The following WNT7B variants were observed in gnomAD, a reference collection of about 807,000 sequenced individuals.
WNT7B encodes protein Wnt-7b.
WNT7B carries 19 observed loss-of-function variants against 38.2 expected under a neutral mutation model. The ratio of observed to expected loss-of-function variants is 0.50; its 90% CI spans 0.35 to 0.73. The LOEUF (loss-of-function observed/expected upper bound fraction) is 0.73. Ranked by LOEUF, WNT7B falls within the 30% of genes least tolerant of loss-of-function variation. The pLI is 0.01. For synonymous variants in WNT7B, 243 were observed against 209.3 expected (o/e 1.16, Z -1.39); for missense variants, 423 against 507.9 (o/e 0.83, Z 1.61).
At chr22:45,925,209 C>T (rs28576542) in intron 3 of WNT7B, 34 of 951,784 alleles carry the variant, frequency 3.6e-5, no homozygotes, top group East Asian at 2.7e-4. Flanking sequence ...AGGTGGGTGC[C>T]GGGTGGGCGC....
At chr22:45,931,465 G>T (rs1931357140) in intron 2 of WNT7B, 96 bp from the exon 3 acceptor site, 4 of 1,392,328 alleles carry the variant, frequency 2.9e-6, no homozygotes, top group South Asian at 2.9e-5. Flanking sequence ...CCTGCTGTTG[G>T]CTGGTTGTGT....
chr22:45,946,003 G>T (rs566636313), intron 2 of WNT7B, among the ~76,000 whole-genome samples: 3 of 152,356 alleles, frequency 2.0e-5, no homozygotes, highest in East Asian at 3.9e-4. Context: ...GGGCTAGGGG[G>T]CCCAAGAGCA....
chr22:45,942,946 A>G (rs371818958), intron 2 of WNT7B, among the ~76,000 whole-genome samples: 9 of 143,834 alleles, frequency 6.3e-5, no homozygotes, highest in Non-Finnish European at 1.3e-4. Context: ...GTAGGCGTGT[A>G]TGTGTGCAGT....
At chr22:45,954,489 C>A (rs1038272982) in intron 1 of WNT7B, among the ~76,000 whole-genome samples, 1 of 152,154 alleles carries the variant, frequency 6.6e-6, no homozygotes, top group Non-Finnish European at 1.5e-5. Context: ...AGATTAGGAC[C>A]CAATTGAAGG....
At chr22:45,948,460 G>T (rs74912617) in intron 2 of WNT7B, among the ~76,000 whole-genome samples, 4,112 of 152,316 alleles carry the variant, frequency 0.027, 168 homozygotes, top group African/African-American at 0.093. Flanking sequence ...CCACACCAGC[G>T]TTCCAAGCCC....
chr22:45,965,777 G>A lies in WNT7B; in HGVS notation c.71+10907C>T, dbSNP rs753704425. 6.6e-6 allele frequency among the ~76,000 whole-genome samples: 1 copy of A among 152,198 alleles called. No homozygotes were observed. The highest frequency in any genetic ancestry group is 2.1e-4 in the South Asian group (1 of 4,834). The stretch of plus-strand genomic sequence containing the variant: ...AAAGCTAAACTTGGAGGCAGCCCCT[G>A]CAACCTTGAGACCCTCGCTCAGGGC... On this transcript the variant is annotated intron_variant, in intron 1 of 3. Coordinates refer to ENST00000339464, the MANE Select transcript of WNT7B (RefSeq NM_058238.3). The surrounding 1 kb of genome is among the most constrained non-coding windows in gnomAD (Gnocchi z 6.5).
Position 45,922,446 on chromosome 22 carries a change from C to T in WNT7B, c.*410G>A, listed in dbSNP as rs558926211. 9.3e-5 allele frequency: 18 copies of T among 193,722 alleles called. No homozygotes were observed. The highest frequency in any genetic ancestry group is 7.0e-5 in the African/African-American group (3 of 43,042). The allele number at this position is 193,722 out of a possible 1,614,324, so 12.0% of individuals were successfully genotyped here. On this transcript the variant is annotated 3_prime_UTR_variant, in exon 4 of 4. Transcript: ENST00000339464. The stretch of plus-strand genomic sequence containing the variant: ...TGGGAACTGGTCTGGAGAGGCCAGC[C>T]GGCGTAGCTTTTCTGTGTCCATGCC...
chr22:45,940,802 T>C (rs1931626796), intron 2 of WNT7B, among the ~76,000 whole-genome samples: 1 of 151,734 alleles, frequency 6.6e-6, no homozygotes, highest in Non-Finnish European at 1.5e-5. Flanking sequence ...ATGCTGAAGG[T>C]GGGTCCCAAA....
At chr22:45,934,197 G>A (rs1931453396) in intron 2 of WNT7B, among the ~76,000 whole-genome samples, 1 of 152,228 alleles carries the variant, frequency 6.6e-6, no homozygotes, top group African/African-American at 2.4e-5. Context: ...CAAAGACCAG[G>A]AAGGCTGACG....
intron 2 of WNT7B, among the ~76,000 whole-genome samples, chr22:45,937,020 C>T (rs1199836166): frequency 6.6e-6 from 1 of 152,164 alleles, no homozygotes; most frequent in Non-Finnish European, 1.5e-5. Flanking sequence ...CTCCTAATGA[C>T]CTGATTAACT....
Position 45,966,968 on chromosome 22 carries a change from C to G in WNT7B, c.71+9716G>C, listed in dbSNP as rs1395216683. ...TCCGGGGCTGGAGAACTCACTGCCT[C>G]TCTGCCAACAGTGGAGCTGACCCAA... On this transcript the variant is annotated intron_variant, in intron 1 of 3. Transcript: ENST00000339464. The surrounding 1 kb of genome is among the most constrained non-coding windows in gnomAD (Gnocchi z 4.2). 6.6e-6 allele frequency among the ~76,000 whole-genome samples: 1 copy of G among 152,214 alleles called. No individual in the cohort carries two copies. The highest frequency in any genetic ancestry group is 1.5e-5 in the Non-Finnish European group (1 of 68,038).
At chr22:45,959,744 C>T (rs1306115885) in intron 1 of WNT7B, among the ~76,000 whole-genome samples, 1 of 152,186 alleles carries the variant, frequency 6.6e-6, no homozygotes, top group African/African-American at 2.4e-5. Context: ...CCCAACCTGG[C>T]ACCCAAGCAG....
chr22:45,939,437 G>T (rs778453447), intron 2 of WNT7B, among the ~76,000 whole-genome samples: 9 of 152,158 alleles, frequency 5.9e-5, no homozygotes, highest in Non-Finnish European at 1.3e-4. Flanking sequence ...TATCCATACG[G>T]CAGAATATTA....
chr22:45,929,702 T>A (rs1931250022), intron 3 of WNT7B, among the ~76,000 whole-genome samples: 1 of 92,308 alleles, frequency 1.1e-5, no homozygotes, highest in Non-Finnish European at 2.2e-5. Context: ...CCACCCATCT[T>A]TCCATCCACC....
At position 45,951,185 on chromosome 22, in the gene WNT7B, C is replaced by CT. The variant is rs1931924803; in HGVS notation, c.72-1040dup. Among the ~76,000 whole-genome samples the CT allele has an allele frequency of 6.6e-6, 1 of 152,174 alleles. No individual in the cohort carries two copies. The highest frequency in any genetic ancestry group is 6.5e-5 in the Admixed American group (1 of 15,280). On this transcript the variant is annotated intron_variant, in intron 1 of 3. Transcript: ENST00000339464. This position sits in a 1 kb window ranked among gnomAD's most constrained non-coding sequence, Gnocchi z 4.8. ...CTCCACATTCCGGGTTCAAGCCATC[C>CT]TTTTGCCTTAGCCTCCCGAGTAGCT...
intron 2 of WNT7B, chr22:45,936,127 T>G (rs567667709): frequency 2.0e-6 from 2 of 985,292 alleles, no homozygotes; most frequent in Non-Finnish European, 2.4e-6. Flanking sequence ...TGAGTAATGG[T>G]CCTGAAGGTT....
rs1230911873 is a variant in WNT7B at position 45,951,847 on chromosome 22, G to T, written c.72-1701C>A. Among the ~76,000 whole-genome samples, 1 of 152,174 alleles carries T rather than the reference G, an allele frequency of 6.6e-6. No individual in the cohort carries two copies. The highest frequency in any genetic ancestry group is 6.5e-5 in the Admixed American group (1 of 15,280). On this transcript the variant is annotated intron_variant, in intron 1 of 3. Coordinates refer to ENST00000339464, the MANE Select transcript of WNT7B (RefSeq NM_058238.3). This position sits in a 1 kb window ranked among gnomAD's most constrained non-coding sequence, Gnocchi z 4.8. ...GTGAGTGATGCCGCCATGAACGTGC[G>T]GGTAAGGTTTCTGTTTGAGCCTGTT...
intron 1 of WNT7B, among the ~76,000 whole-genome samples, chr22:45,963,647 C>T (rs1398119111): frequency 2.6e-5 from 4 of 152,162 alleles, no homozygotes; most frequent in African/African-American, 9.7e-5. Context: ...GGCTTTTCCC[C>T]CCACCTTTGG....
rs188141106 is a variant in WNT7B at position 45,923,134 on chromosome 22, G to A, written c.772C>T (p.Arg258Cys). Residue 258 changes from arginine to cysteine, a missense_variant, in exon 4 of 4, where the codon CGC becomes TGC. Transcript: ENST00000339464. ...GTCTCCATGGGCTTCTGATAGCTGC[G>A]CAGCTGTTTGATGCGCAGGAAGGTG... is the stretch of plus-strand genomic sequence containing the variant. ...QPTFLRIKQL[R>C]SYQKPMETDL... 8.1e-6 allele frequency: 13 copies of A among 1,613,518 alleles called. No individual in the cohort carries two copies. The highest frequency in any genetic ancestry group is 1.1e-5 in the Non-Finnish European group (13 of 1,180,028).
Sources: allele counts gnomAD v4.1 joint callset (sites outside exome capture counted in the v4.1 genomes callset), GRCh38; gene constraint gnomAD v4.1.1; non-coding constraint Gnocchi (gnomAD v3.1); transcripts MANE v1.5; gene names NCBI Gene and HGNC (gene_info 2026-07-23, HGNC 2026-07-21).